LMAN2: variants seen among roughly 807,000 people sequenced by gnomAD.
The protein encoded by LMAN2 is lectin, mannose binding 2, also known as vesicular integral-membrane protein VIP36.
A neutral mutation model predicts 39.3 loss-of-function variants in LMAN2; 22 were observed. That is an observed-to-expected ratio of 0.56 (90% CI 0.40 to 0.80). The LOEUF is 0.80. Among genes scored for constraint, LMAN2 ranks in the 30% least tolerant of loss-of-function variants. LMAN2 has a pLI of 0.00. For synonymous variants in LMAN2, 207 were observed against 207.8 expected (o/e 1.00, Z 0.03); for missense variants, 494 against 505.4 (o/e 0.98, Z 0.22).
At position 177,351,589 on chromosome 5, in the gene LMAN2, G is replaced by A. The variant is rs1317102388; in HGVS notation, c.59C>T (p.Pro20Leu). 1.2e-6 allele frequency: 2 copies of A among 1,611,872 alleles called. No homozygotes were observed. Among genetic ancestry groups the A allele is most frequent in the African/African-American group, 1.3e-5 (1 of 74,708 alleles). Residue 20 changes from proline (P) to leucine (L), a missense_variant, in exon 1 of 8, where the codon CCT becomes CTT. Pro to Leu is a moderately conservative substitution (Grantham distance 98, BLOSUM62 -3). Coordinates refer to ENST00000303127, the MANE Select transcript of LMAN2 (RefSeq NM_006816.3). Reference sequence around the variant, plus strand: ...GCCAGGGCCGGGGCCGAGAAGCCCAGGCCTTCCCAGGCACCGCCGGCCCCA... The same window carrying A: ...GCCAGGGCCGGGGCCGAGAAGCCCAAGCCTTCCCAGGCACCGCCGGCCCCA... ...WGWGRRCLGRPGLLGPGPGPT... is the reference protein window; with the variant it reads ...WGWGRRCLGRLGLLGPGPGPT...
Position 177,336,794 on chromosome 5 carries a change from T to C in LMAN2, c.790+342A>G, listed in dbSNP as rs115606118. ...TAACTGACCCGCTGCCTCCTGTTGA[T>C]GGGGAAGGTTGCCAAGGGACCGTTC... On this transcript the variant is annotated intron_variant, in intron 6 of 7. Coordinates refer to ENST00000303127, the MANE Select transcript of LMAN2 (RefSeq NM_006816.3). 1,792 of 398,814 alleles carry C rather than the reference T, an allele frequency of 4.5e-3. 31 individuals carry two copies. Among genetic ancestry groups the C allele is most frequent in the African/African-American group, 0.033 (1,627 of 48,812 alleles). 24.7% of individuals were successfully genotyped at this position (398,814 alleles called of 1,614,324 possible).
intron 2 of LMAN2, among the ~76,000 whole-genome samples, chr5:177,347,860 C>T (rs142060248): frequency 6.9e-4 from 105 of 152,188 alleles, no homozygotes; most frequent in Admixed American, 2.0e-3. Flanking sequence ...GTGGTGAGCA[C>T]CTGTGTCCCA....
intron 7 of LMAN2, 72 bp downstream of exon 7, chr5:177,334,212 C>G: frequency 1.3e-6 from 2 of 1,530,824 alleles, no homozygotes; most frequent in East Asian, 2.3e-5. Flanking sequence ...CCACAAGACC[C>G]GCCAGGCTGG....
chr5:177,347,897 T>C (rs1467035116), intron 2 of LMAN2, among the ~76,000 whole-genome samples: 3 of 152,090 alleles, frequency 2.0e-5, no homozygotes, highest in African/African-American at 7.2e-5. Flanking sequence ...GGTGGGAAGA[T>C]TGCTTGAGTC....
intron 2 of LMAN2, among the ~76,000 whole-genome samples, chr5:177,344,558 G>C (rs549954587): frequency 6.6e-6 from 1 of 151,580 alleles, no homozygotes; most frequent in South Asian, 2.1e-4. Context: ...GGGATTATAG[G>C]CGTGAGCCAC....
chr5:177,344,217 A>C (rs1299787882), intron 2 of LMAN2, among the ~76,000 whole-genome samples: 1 of 146,956 alleles, frequency 6.8e-6, no homozygotes, highest in Non-Finnish European at 1.5e-5. Context: ...GACCCCCCCC[A>C]TCTCTAAAAA....
Position 177,337,129 on chromosome 5 carries a change from C to G in LMAN2, c.790+7G>C. 1 of 1,608,118 alleles carries G rather than the reference C, an allele frequency of 6.2e-7. No individual in the cohort carries two copies. The highest frequency in any genetic ancestry group is 8.5e-7 in the Non-Finnish European group (1 of 1,176,204). On this transcript the variant is annotated splice_region_variant and intron_variant, in intron 6 of 7. Coordinates refer to ENST00000303127, the MANE Select transcript of LMAN2 (RefSeq NM_006816.3). This position sits in a 1 kb window ranked among gnomAD's most constrained non-coding sequence, Gnocchi z 8.2. ...CTGGGAACCAACGCCTGGCCCGGCC[C>G]ACTCACCAGACAGGTCGCCGGTGCC... is the stretch of plus-strand genomic sequence containing the variant.
In LMAN2 at chr5:177,332,988, C is replaced by T. The variant is rs919697782; in HGVS notation, c.911-742G>A. ...CACACCCAGGCCTCGGGCCCAGGCC[C>T]TGCCTTTCAGCGACGTGCATGCCAC... On this transcript the variant is annotated intron_variant, in intron 7 of 7. Coordinates refer to ENST00000303127, the MANE Select transcript of LMAN2 (RefSeq NM_006816.3). The surrounding 1 kb of genome is among the most constrained non-coding windows in gnomAD (Gnocchi z 6.3). 6.6e-6 allele frequency among the ~76,000 whole-genome samples: 1 copy of T among 152,220 alleles called. No individual in the cohort carries two copies. The highest frequency in any genetic ancestry group is 2.4e-5 in the African/African-American group (1 of 41,440).
chr5:177,341,696 G>A (rs1320340798), intron 2 of LMAN2, among the ~76,000 whole-genome samples: 1 of 152,202 alleles, frequency 6.6e-6, no homozygotes, highest in Non-Finnish European at 1.5e-5. Flanking sequence ...GATTCCAGAA[G>A]GAACGAAGAA....
intron 2 of LMAN2, among the ~76,000 whole-genome samples, chr5:177,345,391 T>C (rs184487852): frequency 2.8e-5 from 4 of 143,066 alleles, no homozygotes; most frequent in Admixed American, 2.1e-4. Context: ...ATGTGTAGCC[T>C]ACTGAAGAAA....
chr5:177,343,024 C>T (rs542028765), intron 2 of LMAN2, among the ~76,000 whole-genome samples: 1 of 152,048 alleles, frequency 6.6e-6, no homozygotes, highest in African/African-American at 2.4e-5. Context: ...GAGGCCAAGG[C>T]GGGCAGATCA....
chr5:177,335,460 A>G (rs952486192), intron 6 of LMAN2, among the ~76,000 whole-genome samples: 1 of 152,316 alleles, frequency 6.6e-6, no homozygotes, highest in East Asian at 1.9e-4. Flanking sequence ...GGCTCCCCTC[A>G]TGGTGCCTCC....
At chr5:177,345,653 GC>G (rs1352171465) in intron 2 of LMAN2, among the ~76,000 whole-genome samples, 1 of 152,124 alleles carries the variant, frequency 6.6e-6, no homozygotes, top group Non-Finnish European at 1.5e-5. Context: ...GCTGTGGTCT[GC>G]CCGCTCCTGC....
chr5:177,334,587 A>G, intron 6 of LMAN2, 184 bp from the exon 7 acceptor site: 1 of 666,430 alleles, frequency 1.5e-6, no homozygotes, highest in South Asian at 2.1e-5. Flanking sequence ...AGCAATAAAA[A>G]AGAGAGGAGG....
chr5:177,344,927 A>C (rs576708403), intron 2 of LMAN2, among the ~76,000 whole-genome samples: 1 of 150,584 alleles, frequency 6.6e-6, no homozygotes, highest in South Asian at 2.1e-4. Flanking sequence ...AGAAAAGAAA[A>C]GAAGAGAAAG....
In LMAN2 at chr5:177,332,242, G is replaced by A. The variant is rs367725148; in HGVS notation, c.915C>T (p.Asn305=). The change falls in exon 8 of 8, where the codon AAC becomes AAT. Residue 305 remains asparagine, a synonymous_variant. Transcript: ENST00000303127. The surrounding 1 kb of genome is among the most constrained non-coding windows in gnomAD (Gnocchi z 6.3). ...SVNFLKSPKD[N]VDDPTGNFRS... Reference sequence around the variant, plus strand: ...GGAAGTTCCCCGTGGGGTCGTCCACGTTGTCTGGGGGAGAAGAAACGGGGG... The same window carrying A: ...GGAAGTTCCCCGTGGGGTCGTCCACATTGTCTGGGGGAGAAGAAACGGGGG... The A allele has an allele frequency of 4.3e-5, 70 of 1,612,046 alleles. No individual in the cohort carries two copies. The African/African-American group carries it at 4.7e-4, about 11-fold the overall frequency.
Position 177,351,561 on chromosome 5 carries a change from G to A in LMAN2, c.87C>T (p.Pro29=), listed in dbSNP as rs755656125. 5 of 1,614,244 alleles carry A rather than the reference G, an allele frequency of 3.1e-6. No individual in the cohort carries two copies. In the South Asian group the frequency reaches 5.5e-5, roughly 18 times the overall value. The part of the protein sequence containing the change: ...RPGLLGPGPG[P]TTPLFLLLLL... ...ACAAAAGAAGAAAGAGAGGTGTAGT[G>A]GGGCCAGGGCCGGGGCCGAGAAGCC... is the stretch of plus-strand genomic sequence containing the variant. Residue 29 remains proline (P), a synonymous_variant, in exon 1 of 8, where the codon CCC becomes CCT. Coordinates refer to ENST00000303127, the MANE Select transcript of LMAN2 (RefSeq NM_006816.3).
rs1324692902 is a variant in LMAN2 at position 177,346,342 on chromosome 5, C to T, written c.315+4831G>A. ...AATCCACAAGTGGCTCACTGACCTC[C>T]ACAGTCCTTCTGAGATTAAGCAGAT... On this transcript the variant is annotated intron_variant, in intron 2 of 7. Transcript: ENST00000303127. The T allele has an allele frequency of 8.3e-6, 4 of 480,888 alleles. No individual in the cohort carries two copies. In the Admixed American group the frequency reaches 1.4e-4, roughly 17 times the overall value. The allele number at this position is 480,888 out of a possible 1,614,324, so 29.8% of individuals were successfully genotyped here.
At position 177,332,671 on chromosome 5, in the gene LMAN2, G is replaced by A. The variant is rs1761406932; in HGVS notation, c.911-425C>T. On this transcript the variant is annotated intron_variant, in intron 7 of 7. Transcript: ENST00000303127. The surrounding 1 kb of genome is among the most constrained non-coding windows in gnomAD (Gnocchi z 6.3). ...TCACAGGCTCTCCCAGCCCACAGCT[G>A]GATGCTCTCGGCAGCCCCCCAGGAG... Among the ~76,000 whole-genome samples, 1 of 152,060 alleles carries A rather than the reference G, an allele frequency of 6.6e-6. No individual in the cohort carries two copies. The highest frequency in any genetic ancestry group is 2.4e-5 in the African/African-American group (1 of 41,382).
Sources: gnomAD v4.1 joint callset for allele counts (sites outside exome capture counted in the v4.1 genomes callset) on GRCh38, gnomAD v4.1.1 for gene constraint, Gnocchi (gnomAD v3.1) non-coding constraint, MANE v1.5 for transcripts, NCBI Gene and HGNC (gene_info 2026-07-23, HGNC 2026-07-21) for gene names.